Variants in VEGFC observed in about 807,000 individuals in gnomAD.
VEGFC encodes vascular endothelial growth factor C.
A neutral mutation model predicts 46.1 loss-of-function variants in VEGFC; 12 were observed. The observed-to-expected ratio is 0.26, with a 90% CI of 0.17 to 0.42. The LOEUF is 0.42. VEGFC is among the 10% of genes least tolerant of loss of function. VEGFC has a pLI of 1.00. For missense variants in VEGFC, 488 were observed against 529.4 expected, an observed-to-expected ratio of 0.92 and a Z score of 0.77; for synonymous variants, 232 against 195.5, an observed-to-expected ratio of 1.19 and a Z score of -1.56.
At chr4:176,780,749 G>A (rs961693833) in intron 1 of VEGFC, among the ~76,000 whole-genome samples, 4 of 152,140 alleles carry the variant, frequency 2.6e-5, no homozygotes, top group Non-Finnish European at 5.9e-5. Flanking sequence ...AAGCCCGAGC[G>A]TCAGTCTTCT....
At chr4:176,743,679 C>T (rs1029227820) in intron 1 of VEGFC, among the ~76,000 whole-genome samples, 1 of 151,276 alleles carries the variant, frequency 6.6e-6, no homozygotes, top group Non-Finnish European at 1.5e-5. Context: ...TTAAATCTCT[C>T]CAGCAGCAGT....
At chr4:176,748,811 T>C (rs974831830) in intron 1 of VEGFC, among the ~76,000 whole-genome samples, 7 of 152,020 alleles carry the variant, frequency 4.6e-5, no homozygotes, top group Admixed American at 4.6e-4. Context: ...TTTATTGATA[T>C]AGTCTACCCA....
intron 3 of VEGFC, among the ~76,000 whole-genome samples, chr4:176,719,160 T>G (rs1474971602): frequency 6.6e-6 from 1 of 152,154 alleles, no homozygotes; most frequent in Non-Finnish European, 1.5e-5. Context: ...AGTCCCATTT[T>G]AAAAAAGCAT....
chr4:176,769,032 G>A (rs1350194842), intron 1 of VEGFC, among the ~76,000 whole-genome samples: 1 of 152,012 alleles, frequency 6.6e-6, no homozygotes, highest in East Asian at 1.9e-4. Context: ...GAGGTCATGA[G>A]GGTGGAGCCC....
chr4:176,788,055 G>T (rs941585079), intron 1 of VEGFC, among the ~76,000 whole-genome samples: 1 of 152,146 alleles, frequency 6.6e-6, no homozygotes, highest in East Asian at 1.9e-4. Flanking sequence ...GAAGTATAAC[G>T]CTTCTGCCAA....
intron 1 of VEGFC, among the ~76,000 whole-genome samples, chr4:176,761,125 T>C (rs1415090188): frequency 6.6e-6 from 1 of 152,234 alleles, no homozygotes; most frequent in Non-Finnish European, 1.5e-5. Context: ...TTATAGATCC[T>C]ATACAAAATT....
intron 1 of VEGFC, among the ~76,000 whole-genome samples, chr4:176,763,423 G>T (rs1464972764): frequency 6.6e-6 from 1 of 152,120 alleles, no homozygotes; most frequent in Non-Finnish European, 1.5e-5. Context: ...TTATAATAAT[G>T]CAAGTTGCAA....
chr4:176,693,036 A>G (rs1017637451), intron 4 of VEGFC, among the ~76,000 whole-genome samples: 9 of 152,016 alleles, frequency 5.9e-5, no homozygotes, highest in Admixed American at 3.9e-4. Flanking sequence ...AAAAAACAGA[A>G]CAGAAAAACT....
intron 1 of VEGFC, among the ~76,000 whole-genome samples, chr4:176,779,322 T>C (rs1045157921): frequency 7.2e-5 from 11 of 152,188 alleles, no homozygotes; most frequent in African/African-American, 2.7e-4. Flanking sequence ...GTATAAACAA[T>C]GAATAATTCC....
At chr4:176,775,133 A>C (rs1735793425) in intron 1 of VEGFC, among the ~76,000 whole-genome samples, 1 of 152,168 alleles carries the variant, frequency 6.6e-6, no homozygotes, top group Non-Finnish European at 1.5e-5. Context: ...TGATAAATCC[A>C]CTGCTCCAAG....
At chr4:176,789,987 GTAGT>G (rs2110960120) in intron 1 of VEGFC, among the ~76,000 whole-genome samples, 1 of 152,290 alleles carries the variant, frequency 6.6e-6, no homozygotes, top group East Asian at 1.9e-4. Flanking sequence ...TGGGGTTCAT[GTAGT>G]TATAGAAAAT....
At chr4:176,777,742 A>G (rs1735838035) in intron 1 of VEGFC, among the ~76,000 whole-genome samples, 1 of 151,480 alleles carries the variant, frequency 6.6e-6, no homozygotes, top group Non-Finnish European at 1.5e-5. Flanking sequence ...TAACATTGAA[A>G]CCCTGTCTCT....
Position 176,729,222 on chromosome 4 carries a change from T to G in VEGFC, c.361+311A>C, listed in dbSNP as rs555259720. Among the ~76,000 whole-genome samples the G allele has an allele frequency of 1.7e-4, 26 of 152,326 alleles. 1 individual carries two copies. The East Asian group carries it at 5.0e-3, about 29-fold the overall frequency. ...ATTATTTGATAAGATAAAGAATGTT[T>G]AAGTTATTAAACAGATATAGTATGT... On this transcript the variant is annotated intron_variant, in intron 2 of 6. Coordinates refer to ENST00000618562, the MANE Select transcript of VEGFC (RefSeq NM_005429.5).
chr4:176,769,391 G>T (rs928509312), intron 1 of VEGFC, among the ~76,000 whole-genome samples: 4 of 152,106 alleles, frequency 2.6e-5, no homozygotes, highest in African/African-American at 7.2e-5. Flanking sequence ...TCCTCTTGCG[G>T]TCTCACCTGT....
intron 4 of VEGFC, among the ~76,000 whole-genome samples, chr4:176,692,846 G>A (rs1292528861): frequency 6.8e-6 from 1 of 146,314 alleles, no homozygotes; most frequent in Non-Finnish European, 1.5e-5. Context: ...CTAACTGGGA[G>A]GCACCCCCCA....
At chr4:176,704,430 A>G (rs1423658291) in intron 4 of VEGFC, among the ~76,000 whole-genome samples, 1 of 152,136 alleles carries the variant, frequency 6.6e-6, no homozygotes, top group Admixed American at 6.6e-5. Flanking sequence ...CCTACTATGA[A>G]CAGGTGCTCC....
chr4:176,692,823 AC>A lies in VEGFC; in HGVS notation c.705-4897del, dbSNP rs1351527820. ...TCCTCAAGTGGGTCCCTGACCCCTG[AC>A]CCCCGAGCAGCCTAACTGGGAGGCA... On this transcript the variant is annotated intron_variant, in intron 4 of 6. Transcript: ENST00000618562. Among the ~76,000 whole-genome samples, 3 of 146,566 alleles carry A rather than the reference AC, an allele frequency of 2.0e-5. No homozygotes were observed. The East Asian group carries it at 5.9e-4, about 29-fold the overall frequency.
chr4:176,744,105 A>C (rs1735221940), intron 1 of VEGFC, among the ~76,000 whole-genome samples: 1 of 152,026 alleles, frequency 6.6e-6, no homozygotes, highest in South Asian at 2.1e-4. Flanking sequence ...TAAAAATCCC[A>C]TTCTAAGGAA....
At chr4:176,711,114 T>C (rs974196970) in intron 4 of VEGFC, among the ~76,000 whole-genome samples, 4 of 152,150 alleles carry the variant, frequency 2.6e-5, no homozygotes, top group Admixed American at 2.6e-4. Flanking sequence ...TATATTTACT[T>C]TTTGTTTTGG....
Sources: gnomAD v4.1 joint callset for allele counts (sites outside exome capture counted in the v4.1 genomes callset) on GRCh38, gnomAD v4.1.1 for gene constraint, MANE v1.5 for transcripts, NCBI Gene and HGNC (gene_info 2026-07-23, HGNC 2026-07-21) for gene names.